Variants in NTM observed in about 807,000 individuals in gnomAD.
NTM encodes IgLON family member 2.
A neutral mutation model predicts 42.1 loss-of-function variants in NTM; 13 were observed. That is an observed-to-expected ratio of 0.31 (90% confidence interval 0.20 to 0.49). The LOEUF is 0.49. Ranked by LOEUF, NTM falls within the 20% of genes least tolerant of loss-of-function variation. NTM has a pLI of 0.99. For missense variants in NTM, 373 were observed against 452.8 expected (o/e 0.82, Z 1.60); for synonymous variants, 187 against 179.2 (o/e 1.04, Z -0.35).
intron 1 of NTM, among the ~76,000 whole-genome samples, chr11:131,448,734 C>A (rs1332968193): frequency 6.6e-6 from 1 of 152,226 alleles, no homozygotes; most frequent in Non-Finnish European, 1.5e-5. Flanking sequence ...GCCTCGAAGT[C>A]CAGCCTCTCT....
chr11:131,436,016 A>G (rs1167446797), intron 1 of NTM, among the ~76,000 whole-genome samples: 22 of 152,158 alleles, frequency 1.4e-4, no homozygotes, highest in Admixed American at 1.4e-3. Context: ...AATTTTGTCA[A>G]AGGCTTTTTC....
At chr11:132,024,528 G>T (rs1328114629) in intron 2 of NTM, among the ~76,000 whole-genome samples, 1 of 152,030 alleles carries the variant, frequency 6.6e-6, no homozygotes, top group African/African-American at 2.4e-5. Context: ...GGATTTTTTT[G>T]TTGGTTTTGT....
Position 131,392,930 on chromosome 11 carries a change from C to A in NTM, c.82+22042C>A, listed in dbSNP as rs138069831. On this transcript the variant is annotated intron_variant, in intron 1 of 8. Coordinates refer to ENST00000683400, the MANE Select transcript of NTM (RefSeq NM_001352005.2). ...TATGGGGTGGATTGGGCTTCACCTGCTTTAATGTAGAGGTAAGTGAAGGGT... is the reference window on the plus strand; with the variant it reads ...TATGGGGTGGATTGGGCTTCACCTGATTTAATGTAGAGGTAAGTGAAGGGT... Among the ~76,000 whole-genome samples, 509 of 152,272 alleles carry A rather than the reference C, an allele frequency of 3.3e-3. 3 individuals are homozygous for A. The highest frequency in any genetic ancestry group is 0.012 in the African/African-American group (483 of 41,560).
chr11:131,861,910 G>C (rs765187999), intron 1 of NTM, among the ~76,000 whole-genome samples: 1 of 152,162 alleles, frequency 6.6e-6, no homozygotes, highest in Non-Finnish European at 1.5e-5. Flanking sequence ...CCAAATGCAC[G>C]TGGGTCTGGT....
chr11:131,452,123 A>G (rs1950534435), intron 1 of NTM, among the ~76,000 whole-genome samples: 1 of 152,118 alleles, frequency 6.6e-6, no homozygotes, highest in Non-Finnish European at 1.5e-5. Context: ...AAGTGGGGGG[A>G]GGGATTGATG....
chr11:131,819,302 C>T (rs565279747), intron 1 of NTM, among the ~76,000 whole-genome samples: 1 of 152,268 alleles, frequency 6.6e-6, no homozygotes, highest in African/African-American at 2.4e-5. Context: ...GCCTGAGCTG[C>T]ACCCCCAGAA....
At chr11:131,473,657 A>G (rs1201806855) in intron 1 of NTM, among the ~76,000 whole-genome samples, 1 of 152,160 alleles carries the variant, frequency 6.6e-6, no homozygotes, top group Non-Finnish European at 1.5e-5. Flanking sequence ...ATGGAAGCCA[A>G]TGAGGCGTGG....
At chr11:131,569,757 T>C (rs1374442936) in intron 1 of NTM, among the ~76,000 whole-genome samples, 3 of 152,128 alleles carry the variant, frequency 2.0e-5, no homozygotes, top group African/African-American at 7.2e-5. Flanking sequence ...TTAAAAAGTT[T>C]TTTTTGTAGA....
At position 131,514,064 on chromosome 11, in the gene NTM, G is replaced by A. The variant is rs115863611; in HGVS notation, c.82+143176G>A. ...TATTATTAATGATAATAATAATAAT[G>A]GTAAGTCAGCTGACAGCGTCGCTAA... On this transcript the variant is annotated intron_variant, in intron 1 of 8. Transcript: ENST00000683400. 4.5e-3 allele frequency among the ~76,000 whole-genome samples: 688 copies of A among 152,174 alleles called. 5 individuals are homozygous for A. Among genetic ancestry groups the A allele is most frequent in the African/African-American group, 0.015 (632 of 41,510 alleles).
At chr11:132,090,411 A>G (rs1292767023) in intron 2 of NTM, among the ~76,000 whole-genome samples, 1 of 152,054 alleles carries the variant, frequency 6.6e-6, no homozygotes, top group Non-Finnish European at 1.5e-5. Context: ...TACCCAGGGT[A>G]TGAGTCTTCC....
At chr11:131,489,571 A>C (rs959214067) in intron 1 of NTM, among the ~76,000 whole-genome samples, 2 of 152,206 alleles carry the variant, frequency 1.3e-5, no homozygotes, top group African/African-American at 4.8e-5. Flanking sequence ...AGAATTCTTA[A>C]GAAGGTATCC....
chr11:132,244,223 TCTA>T (rs2090691392), intron 4 of NTM, among the ~76,000 whole-genome samples: 1 of 152,194 alleles, frequency 6.6e-6, no homozygotes, highest in African/African-American at 2.4e-5. Context: ...ATCCCCAGGC[TCTA>T]GCCCTGGCTG....
chr11:131,909,049 C>T (rs560726089), intron 1 of NTM, among the ~76,000 whole-genome samples: 1 of 152,092 alleles, frequency 6.6e-6, no homozygotes, highest in Non-Finnish European at 1.5e-5. Context: ...GAAAAGTCAC[C>T]GGAGGAGAGG....
intron 7 of NTM, among the ~76,000 whole-genome samples, chr11:132,319,724 CCT>C (rs2095517006): frequency 6.6e-6 from 1 of 152,256 alleles, no homozygotes; most frequent in African/African-American, 2.4e-5. Context: ...ACAGCAGTAA[CCT>C]CTGCAGACTT....
intron 1 of NTM, among the ~76,000 whole-genome samples, chr11:131,373,852 C>G (rs1325606777): frequency 2.6e-5 from 4 of 152,208 alleles, no homozygotes; most frequent in African/African-American, 4.8e-5. Context: ...TAGCAGCTAG[C>G]CTGAGACACA....
At chr11:132,259,798 G>A (rs533304946) in intron 4 of NTM, among the ~76,000 whole-genome samples, 7 of 152,148 alleles carry the variant, frequency 4.6e-5, no homozygotes, top group East Asian at 3.9e-4. Flanking sequence ...CGCCCAGGCT[G>A]TAGTGCAATG....
At chr11:131,450,454 T>C (rs1173669384) in intron 1 of NTM, among the ~76,000 whole-genome samples, 3 of 152,134 alleles carry the variant, frequency 2.0e-5, no homozygotes, top group African/African-American at 7.2e-5. Context: ...TTCTCCCTTT[T>C]TTATTTGATG....
intron 1 of NTM, among the ~76,000 whole-genome samples, chr11:131,616,371 A>G (rs1592238160): frequency 6.6e-6 from 1 of 152,180 alleles, no homozygotes; most frequent in African/African-American, 2.4e-5. Flanking sequence ...GGAGAGTGGG[A>G]AATGACCGCG....
chr11:131,762,894 C>A (rs1463606397), intron 1 of NTM, among the ~76,000 whole-genome samples: 1 of 152,220 alleles, frequency 6.6e-6, no homozygotes, highest in Non-Finnish European at 1.5e-5. Context: ...TTCTGCCTCC[C>A]CATTGTCACC....
Sources: gnomAD v4.1 joint callset for allele counts (sites outside exome capture counted in the v4.1 genomes callset) on GRCh38, gnomAD v4.1.1 for gene constraint, MANE v1.5 for transcripts, NCBI Gene and HGNC (gene_info 2026-07-23, HGNC 2026-07-21) for gene names.